LRFN5: variants seen among roughly 807,000 people sequenced by gnomAD.
The protein encoded by LRFN5 is leucine rich repeat and fibronectin type III domain containing 5, also known as leucine-rich repeat and fibronectin type-III domain-containing protein 5.
A neutral mutation model predicts 45.6 loss-of-function variants in LRFN5; 24 were observed. The ratio of observed to expected loss-of-function variants is 0.53; its 90% CI spans 0.38 to 0.74. The LOEUF (loss-of-function observed/expected upper bound fraction) is 0.74. Ranked by LOEUF, LRFN5 falls within the 30% of genes least tolerant of loss-of-function variation. LRFN5 has a pLI of 0.00. For synonymous variants in LRFN5, 340 were observed against 313.8 expected, an observed-to-expected ratio of 1.08 and a Z score of -0.88; for missense variants, 776 against 861.5, an observed-to-expected ratio of 0.90 and a Z score of 1.24.
chr14:41,724,696 A>G (rs1883857326), intron 1 of LRFN5, among the ~76,000 whole-genome samples: 1 of 152,186 alleles, frequency 6.6e-6, no homozygotes, highest in Non-Finnish European at 1.5e-5. Context: ...AATATATAAT[A>G]TAGAATGTAA....
intron 1 of LRFN5, among the ~76,000 whole-genome samples, chr14:41,660,906 C>T (rs1337102174): frequency 6.6e-6 from 1 of 151,392 alleles, no homozygotes; most frequent in Non-Finnish European, 1.5e-5. Flanking sequence ...GTTCAAACAG[C>T]CATTACTGTT....
intron 2 of LRFN5, among the ~76,000 whole-genome samples, chr14:41,868,080 A>G (rs577875759): frequency 1.9e-4 from 29 of 152,158 alleles, no homozygotes; most frequent in African/African-American, 7.0e-4. Context: ...CCAGGCCACA[A>G]TTTTTTAATC....
chr14:41,745,976 G>T lies in LRFN5; in HGVS notation c.-196-20878G>T, dbSNP rs186815443. ...CACTAATCTTTCTCAAATGGAAAAT[G>T]AAGGAACACTCCCTAACTCATTCTA... On this transcript the variant is annotated intron_variant, in intron 1 of 5. Coordinates refer to ENST00000298119, the MANE Select transcript of LRFN5 (RefSeq NM_152447.5). Among the ~76,000 whole-genome samples, 20 of 152,118 alleles carry T rather than the reference G, an allele frequency of 1.3e-4. No individual in the cohort carries two copies. The East Asian group carries it at 3.9e-3, about 29-fold the overall frequency.
intron 2 of LRFN5, among the ~76,000 whole-genome samples, chr14:41,882,909 C>T (rs544969767): frequency 7.6e-6 from 1 of 131,998 alleles, no homozygotes; most frequent in African/African-American, 2.8e-5. Context: ...AGTGTAATGG[C>T]GCGATCTCTG....
chr14:41,879,026 GA>G (rs919546424), intron 2 of LRFN5, among the ~76,000 whole-genome samples: 65 of 151,956 alleles, frequency 4.3e-4, no homozygotes, highest in African/African-American at 1.5e-3. Flanking sequence ...CAATTTATAT[GA>G]TTTTTTTTTC....
At chr14:41,681,824 A>ATTTATTTATTTATTTAT (rs1264983313) in intron 1 of LRFN5, among the ~76,000 whole-genome samples, 3 of 70,132 alleles carry the variant, frequency 4.3e-5, no homozygotes, top group South Asian at 6.9e-4. Flanking sequence ...TTATTTATTT[A>ATTTATTTATTTATTTAT]TTTTTTTTTT....
At chr14:41,680,009 T>C (rs1881812957) in intron 1 of LRFN5, among the ~76,000 whole-genome samples, 2 of 152,084 alleles carry the variant, frequency 1.3e-5, no homozygotes, top group African/African-American at 2.4e-5. Flanking sequence ...GTGGCGGCCA[T>C]GAGGAGAGAC....
chr14:41,744,696 A>C (rs1594668142), intron 1 of LRFN5, among the ~76,000 whole-genome samples: 1 of 152,280 alleles, frequency 6.6e-6, no homozygotes, highest in East Asian at 1.9e-4. Context: ...GAAAATATGT[A>C]AAAATATATT....
chr14:41,650,268 A>ACACACAC (rs1437857911), intron 1 of LRFN5, among the ~76,000 whole-genome samples: 15,510 of 129,128 alleles, frequency 0.12, 1,143 homozygotes, highest in East Asian at 0.4. Flanking sequence ...CACACACACA[A>ACACACAC]AAAAAAAAAA....
intron 2 of LRFN5, among the ~76,000 whole-genome samples, chr14:41,866,612 T>A (rs1018529724): frequency 3.9e-5 from 6 of 152,138 alleles, no homozygotes; most frequent in African/African-American, 1.4e-4. Context: ...CTCACCCTGA[T>A]AACCCCGTGC....
At chr14:41,858,970 A>T (rs1177091824) in intron 2 of LRFN5, among the ~76,000 whole-genome samples, 2 of 152,164 alleles carry the variant, frequency 1.3e-5, no homozygotes, top group African/African-American at 4.8e-5. Flanking sequence ...CTTACTGATT[A>T]TGTGAATTGA....
At chr14:41,704,436 C>CTGTGTGTGTG (rs1430752309) in intron 1 of LRFN5, among the ~76,000 whole-genome samples, 23,824 of 88,524 alleles carry the variant, frequency 0.27, 2,835 homozygotes, top group Non-Finnish European at 0.34. Context: ...CTCTCTCTCT[C>CTGTGTGTGTG]TCTCTCTCTC....
chr14:41,809,672 A>T (rs899533766), intron 2 of LRFN5, among the ~76,000 whole-genome samples: 9 of 151,556 alleles, frequency 5.9e-5, no homozygotes, highest in Admixed American at 5.9e-4. Context: ...TTTTTGTATC[A>T]TATTTACATA....
At chr14:41,716,411 A>G (rs1883497969) in intron 1 of LRFN5, among the ~76,000 whole-genome samples, 1 of 152,168 alleles carries the variant, frequency 6.6e-6, no homozygotes, top group Non-Finnish European at 1.5e-5. Flanking sequence ...GACTGCCTTT[A>G]ACAGCACACA....
intron 1 of LRFN5, among the ~76,000 whole-genome samples, chr14:41,725,489 G>A (rs55653297): frequency 0.045 from 6,828 of 152,240 alleles, 342 homozygotes; most frequent in African/African-American, 0.12. Context: ...TCCACTGCCT[G>A]ACAGATGAAA....
intron 5 of LRFN5, among the ~76,000 whole-genome samples, chr14:41,901,191 G>A (rs1472593094): frequency 2.0e-5 from 3 of 151,912 alleles, no homozygotes; most frequent in Non-Finnish European, 4.4e-5. Flanking sequence ...GAGGAAAGGG[G>A]AAAGGAATTA....
chr14:41,863,164 C>G (rs1458417250), intron 2 of LRFN5, among the ~76,000 whole-genome samples: 2 of 152,180 alleles, frequency 1.3e-5, no homozygotes, highest in South Asian at 2.1e-4. Flanking sequence ...CACGCCCAGC[C>G]TAAGTCTCTT....
At chr14:41,669,693 G>A (rs1189548045) in intron 1 of LRFN5, among the ~76,000 whole-genome samples, 3 of 151,970 alleles carry the variant, frequency 2.0e-5, no homozygotes, top group Non-Finnish European at 4.4e-5. Flanking sequence ...GACCCAGCCA[G>A]TTCTTACTGT....
At chr14:41,732,885 A>G (rs1382552713) in intron 1 of LRFN5, among the ~76,000 whole-genome samples, 1 of 152,012 alleles carries the variant, frequency 6.6e-6, no homozygotes, top group Non-Finnish European at 1.5e-5. Context: ...ATAAATTTAC[A>G]GAAAACCTAA....
Sources: allele counts gnomAD v4.1 joint callset (sites outside exome capture counted in the v4.1 genomes callset), GRCh38; gene constraint gnomAD v4.1.1; transcripts MANE v1.5; gene names NCBI Gene and HGNC (gene_info 2026-07-23, HGNC 2026-07-21).